Variants in OAS3 observed in about 807,000 individuals in gnomAD.
The protein encoded by OAS3 is 2'-5'-oligoadenylate synthetase 3, also known as 2'-5'-oligoadenylate synthase 3.
Under a neutral mutation model 113.0 loss-of-function variants are expected in OAS3, and 107 were observed. The observed-to-expected ratio is 0.95, with a 90% CI of 0.81 to 1.11. The LOEUF is 1.11. Ranked by LOEUF, OAS3 falls within the 50% of genes most tolerant of loss-of-function variation. The pLI, the probability that OAS3 is intolerant of heterozygous loss-of-function variation, is 0.00. For synonymous variants in OAS3, 552 were observed against 573.6 expected (o/e 0.96, Z 0.54); for missense variants, 1,258 against 1,389.1 (o/e 0.91, Z 1.50).
intron 7 of OAS3, among the ~76,000 whole-genome samples, chr12:112,952,360 G>A (rs544885776): frequency 2.6e-5 from 4 of 152,064 alleles, no homozygotes; most frequent in Admixed American, 6.6e-5. Context: ...TTTTCCTGAC[G>A]TACCCTCTCT....
chr12:112,958,785 G>A (rs1018371214), intron 7 of OAS3, among the ~76,000 whole-genome samples: 6 of 152,250 alleles, frequency 3.9e-5, no homozygotes, highest in Non-Finnish European at 5.9e-5. Context: ...TAGGCTACTC[G>A]GGGGTCAGGG....
At position 112,972,877 on chromosome 12, in the gene OAS3, TTGG is replaced by T. The variant is rs1206742825; in HGVS notation, c.*2907_*2909del. 2.3e-5 allele frequency: 3 copies of T among 129,370 alleles called. No homozygotes were observed. The highest frequency in any genetic ancestry group is 4.7e-5 in the Non-Finnish European group (3 of 63,378). The allele number at this position is 129,370 out of a possible 1,614,324, so 8.0% of individuals were successfully genotyped here. On this transcript the variant is annotated 3_prime_UTR_variant, in exon 16 of 16. Coordinates refer to ENST00000228928, the MANE Select transcript of OAS3 (RefSeq NM_006187.4). The stretch of plus-strand genomic sequence containing the variant: ...TAAGAAATGCAGGACTGCAAAGAAA[TTGG>T]TGTGTGTGTGTGTGTGTGTGTGTGT...
chr12:112,970,656 G>A lies in OAS3; in HGVS notation c.*683G>A, dbSNP rs2043976424. 1 of 153,058 alleles carries A rather than the reference G, an allele frequency of 6.5e-6. No homozygotes were observed. Among genetic ancestry groups the A allele is most frequent in the Non-Finnish European group, 1.5e-5 (1 of 68,726 alleles). The allele number at this position is 153,058 out of a possible 1,614,324, so 9.5% of individuals were successfully genotyped here. A position where few individuals can be genotyped will look rare whatever the true frequency, so the allele number is the denominator to read the frequency against. ...GCTTGCAGGTTTACAGTGTATATGT[G>A]GGCTATTGAAGAGCCCTCTGAGCTC... On this transcript the variant is annotated 3_prime_UTR_variant, in exon 16 of 16. Transcript: ENST00000228928.
intron 11 of OAS3, among the ~76,000 whole-genome samples, chr12:112,965,371 A>G (rs1207521747): frequency 1.3e-5 from 2 of 152,184 alleles, no homozygotes; most frequent in Non-Finnish European, 2.9e-5. Flanking sequence ...CCAACCCAGG[A>G]AAACTTAAAT....
Position 112,941,551 on chromosome 12 carries a change from G to A in OAS3, c.178-19G>A. ...AGAATTGGACAGTATGAAATTCTGA[G>A]TTATTTTTCTTTGCCCAGGGAGGCT... is the stretch of plus-strand genomic sequence containing the variant. On this transcript the variant is annotated intron_variant, in intron 1 of 15. Coordinates refer to ENST00000228928, the MANE Select transcript of OAS3 (RefSeq NM_006187.4). 1 of 1,606,216 alleles carries A rather than the reference G, an allele frequency of 6.2e-7. No homozygotes were observed. The highest frequency in any genetic ancestry group is 1.1e-5 in the South Asian group (1 of 90,658).
At chr12:112,947,390 A>G (rs1469087410) in intron 4 of OAS3, among the ~76,000 whole-genome samples, 2 of 152,204 alleles carry the variant, frequency 1.3e-5, no homozygotes, top group African/African-American at 4.8e-5. Context: ...GCCTTTTCTT[A>G]AATCTTATTT....
At position 112,950,946 on chromosome 12, in the gene OAS3, T is replaced by C. The variant is rs748295017; in HGVS notation, c.1628T>C (p.Val543Ala). 2.5e-6 allele frequency: 4 copies of C among 1,613,714 alleles called. No individual in the cohort carries two copies. The East Asian group carries it at 8.9e-5, about 36-fold the overall frequency. ...ACAGCCCTGAAGAGCTGGACGGATG[T>C]TAGCCTGCTGCCTGCCTTCGATGCT... The part of the protein sequence containing the change: ...VSTALKSWTD[V>A]SLLPAFDAVG... The change falls in exon 7 of 16, where the codon GTT (valine) becomes GCT (alanine). Residue 543 changes from valine (V) to alanine (A), a missense_variant. Val to Ala is a moderately conservative substitution (Grantham distance 64). Transcript: ENST00000228928.
At chr12:112,955,179 GA>G (rs1423734034) in intron 7 of OAS3, among the ~76,000 whole-genome samples, 1 of 152,212 alleles carries the variant, frequency 6.6e-6, no homozygotes, top group African/African-American at 2.4e-5. Flanking sequence ...TTTGTATCCT[GA>G]GACTTTGCTG....
At chr12:112,939,153 T>A (rs1234430647) in intron 1 of OAS3, among the ~76,000 whole-genome samples, 1 of 152,194 alleles carries the variant, frequency 6.6e-6, no homozygotes, top group Non-Finnish European at 1.5e-5. Flanking sequence ...GTAGCCCAAT[T>A]TATTGAGACA....
chr12:112,952,543 G>T (rs5800977), intron 7 of OAS3, among the ~76,000 whole-genome samples: 175 of 92,184 alleles, frequency 1.9e-3, no homozygotes, highest in Non-Finnish European at 3.3e-3. Flanking sequence ...TTTTGTTTTT[G>T]TTTTTACAAT....
chr12:112,953,137 C>T (rs556654515), intron 7 of OAS3, among the ~76,000 whole-genome samples: 8 of 151,954 alleles, frequency 5.3e-5, no homozygotes, highest in African/African-American at 1.2e-4. Flanking sequence ...TCCCTCCCCA[C>T]TCCCCCCACC....
chr12:112,961,287 A>T, intron 8 of OAS3, 41 bp downstream of exon 8: 1 of 1,588,328 alleles, frequency 6.3e-7, no homozygotes, highest in Non-Finnish European at 8.6e-7. Flanking sequence ...CACCACTGTC[A>T]TGGCAACCAC....
At position 112,963,627 on chromosome 12, in the gene OAS3, G is replaced by A. The variant is rs1005855689; in HGVS notation, c.2229+170G>A. 4.6e-5 allele frequency among the ~76,000 whole-genome samples: 7 copies of A among 152,100 alleles called. No individual in the cohort carries two copies. The highest frequency in any genetic ancestry group is 2.1e-4 in the South Asian group (1 of 4,822). ...TTTCATGAAATGCACAGATTGCTAC[G>A]TCCCAGCCAGTGCCTGAGTGACACA... On this transcript the variant is annotated intron_variant, in intron 10 of 15. Transcript: ENST00000228928. This position sits in a 1 kb window ranked among gnomAD's most constrained non-coding sequence, Gnocchi z 4.6.
intron 7 of OAS3, among the ~76,000 whole-genome samples, chr12:112,955,890 G>A: frequency 6.6e-6 from 1 of 152,176 alleles, no homozygotes; most frequent in East Asian, 1.9e-4. Flanking sequence ...TCTATTGATT[G>A]GAAAAGTTTC....
rs1460921887 is a variant in OAS3 at position 112,938,602 on chromosome 12, G to C, written c.72G>C (p.Glu24Asp). 6.2e-7 allele frequency: 1 copy of C among 1,610,680 alleles called. No homozygotes were observed. The highest frequency in any genetic ancestry group is 1.3e-5 in the African/African-American group (1 of 74,866). The change falls in exon 1 of 16, where the codon GAG becomes GAC. Residue 24 changes from glutamate to aspartate, a missense_variant. Physicochemically the swap from Glu to Asp is conservative, Grantham distance 45 (BLOSUM62 2). Transcript: ENST00000228928. Reference sequence around the variant, plus strand: ...CCAGAAGGCTGCAGCCGCGGAAGGAGTTCGTAGAGAAGGCGCGGCGCGCTC... The same window carrying C: ...CCAGAAGGCTGCAGCCGCGGAAGGACTTCGTAGAGAAGGCGCGGCGCGCTC... ...FVARRLQPRK[E>D]FVEKARRALG...
rs374581984 is a variant in OAS3, at chr12:112,941,635, C to T, written c.243C>T (p.Leu81=). Residue 81 remains leucine (L), a synonymous_variant, in exon 2 of 16, where the codon CTC becomes CTT. Coordinates refer to ENST00000228928, the MANE Select transcript of OAS3 (RefSeq NM_006187.4). ...GTGATTCTGAACTTGTCATCTTCCT[C>T]GACTGCTTCAAGAGCTATGTGGACC... The part of the protein sequence containing the change: ...GGCDSELVIF[L]DCFKSYVDQR... The T allele has an allele frequency of 1.1e-5, 17 of 1,613,920 alleles. No individual in the cohort carries two copies. Among genetic ancestry groups the T allele is most frequent in the Admixed American group, 6.7e-5 (4 of 60,010 alleles).
intron 7 of OAS3, among the ~76,000 whole-genome samples, chr12:112,952,620 TCTTC>T (rs1398399058): frequency 2.0e-5 from 3 of 152,238 alleles, no homozygotes; most frequent in African/African-American, 7.2e-5. Context: ...GATTTCCTGT[TCTTC>T]CTTCTGGATT....
chr12:112,939,427 C>T (rs960416970), intron 1 of OAS3, among the ~76,000 whole-genome samples: 23 of 149,070 alleles, frequency 1.5e-4, no homozygotes, highest in African/African-American at 5.4e-4. Context: ...TCAAGTTATT[C>T]TCACACCTCA....
At chr12:112,956,459 C>T (rs956686586) in intron 7 of OAS3, among the ~76,000 whole-genome samples, 9 of 152,192 alleles carry the variant, frequency 5.9e-5, no homozygotes, top group Non-Finnish European at 2.9e-5. Context: ...TTCTTGCTTT[C>T]TCCTGTGGTC....
Sources: gnomAD v4.1 joint callset for allele counts (sites outside exome capture counted in the v4.1 genomes callset) on GRCh38, gnomAD v4.1.1 for gene constraint, Gnocchi (gnomAD v3.1) non-coding constraint, MANE v1.5 for transcripts, NCBI Gene and HGNC (gene_info 2026-07-23, HGNC 2026-07-21) for gene names.